The following ABI1 variants were observed in gnomAD, a reference collection of about 807,000 sequenced individuals.
The protein encoded by ABI1 is abl interactor 1.
A neutral mutation model predicts 54.6 loss-of-function variants in ABI1; 14 were observed. The ratio of observed to expected loss-of-function variants is 0.26; its 90% CI spans 0.17 to 0.40. The LOEUF is 0.40. Ranked by LOEUF, ABI1 falls within the 10% of genes least tolerant of loss-of-function variation. The pLI is 1.00. For missense variants in ABI1, 443 were observed against 598.3 expected (o/e 0.74, Z 2.71); for synonymous variants, 194 against 209.3 (o/e 0.93, Z 0.63).
rs765002778 is a variant in ABI1 at position 26,776,981 on chromosome 10, A to G, written c.462+84T>C. ...GCCAGCTGCTAAAGAGAATCTATTA[A>G]AATCATCTTTATGACAATATTTCCT... On this transcript the variant is annotated intron_variant, in intron 3 of 10. Coordinates refer to ENST00000376140, the MANE Select transcript of ABI1 (RefSeq NM_001012750.3). 78 of 1,226,526 alleles carry G rather than the reference A, an allele frequency of 6.4e-5. 2 individuals are homozygous for G. Among genetic ancestry groups the G allele is most frequent in the Non-Finnish European group, 8.6e-5 (77 of 892,288 alleles). 76.0% of individuals were successfully genotyped at this position (1,226,526 alleles called of 1,614,324 possible).
At chr10:26,857,648 A>G (rs1394161328) in intron 1 of ABI1, among the ~76,000 whole-genome samples, 7 of 147,400 alleles carry the variant, frequency 4.7e-5, no homozygotes, top group Admixed American at 2.0e-4. Context: ...TGTCTCAAAA[A>G]AAAAAAAAAA....
intron 2 of ABI1, among the ~76,000 whole-genome samples, chr10:26,801,436 A>T (rs2046551709): frequency 6.6e-6 from 1 of 152,030 alleles, no homozygotes; most frequent in African/African-American, 2.4e-5. Context: ...AGTCCCAACT[A>T]CTTAGGAGGC....
chr10:26,848,200 CAA>C (rs149066426), intron 1 of ABI1, among the ~76,000 whole-genome samples: 23,848 of 76,926 alleles, frequency 0.31, 1,038 homozygotes, highest in African/African-American at 0.38. Flanking sequence ...GACCCTGTCT[CAA>C]AAAAAAAAAA....
chr10:26,816,895 T>C (rs987234736), intron 2 of ABI1, among the ~76,000 whole-genome samples: 1 of 152,170 alleles, frequency 6.6e-6, no homozygotes, highest in Non-Finnish European at 1.5e-5. Flanking sequence ...ATACATAAAA[T>C]GTACAGTGAT....
chr10:26,769,513 GA>G (rs1241863615), intron 5 of ABI1, among the ~76,000 whole-genome samples: 1 of 151,524 alleles, frequency 6.6e-6, no homozygotes, highest in Non-Finnish European at 1.5e-5. Context: ...GAATAAAAAT[GA>G]AAACTAAGAC....
In ABI1 at chr10:26,837,272, T is replaced by C. The variant is rs556178326; in HGVS notation, c.118-13967A>G. The stretch of plus-strand genomic sequence containing the variant: ...TTCTAGCAAGGGATTTCTTCTTGGC[T>C]TGCAGACAGCCACCTTCTCGCTGTG... On this transcript the variant is annotated intron_variant, in intron 1 of 10. Coordinates refer to ENST00000376140, the MANE Select transcript of ABI1 (RefSeq NM_001012750.3). Among the ~76,000 whole-genome samples the C allele has an allele frequency of 2.6e-4, 40 of 152,296 alleles. 1 individual carries two copies. In the South Asian group the frequency reaches 8.1e-3, roughly 31 times the overall value.
At chr10:26,818,389 C>G (rs1449645985) in intron 2 of ABI1, among the ~76,000 whole-genome samples, 2 of 151,678 alleles carry the variant, frequency 1.3e-5, no homozygotes, top group Non-Finnish European at 2.9e-5. Context: ...GAGGCCAAGG[C>G]AGGCAGATCA....
chr10:26,778,216 T>C (rs1314475831), intron 2 of ABI1, among the ~76,000 whole-genome samples: 1 of 152,194 alleles, frequency 6.6e-6, no homozygotes, highest in Admixed American at 6.5e-5. Flanking sequence ...TACAAGACTT[T>C]TTAAAAATAT....
intron 2 of ABI1, among the ~76,000 whole-genome samples, chr10:26,818,070 G>A (rs549115636): frequency 1.4e-5 from 2 of 146,998 alleles, no homozygotes; most frequent in South Asian, 4.3e-4. Context: ...GAGGCAGGAG[G>A]ATGGCTTGAA....
At chr10:26,848,200 C>CAAAAAAAAAAAAAAAAAA (rs149066426) in intron 1 of ABI1, among the ~76,000 whole-genome samples, 2 of 78,668 alleles carry the variant, frequency 2.5e-5, no homozygotes, top group African/African-American at 4.9e-5. Flanking sequence ...GACCCTGTCT[C>CAAAAAAAAAAAAAAAAAA]AAAAAAAAAA....
At chr10:26,780,792 C>G (rs1056960774) in intron 2 of ABI1, among the ~76,000 whole-genome samples, 5 of 152,134 alleles carry the variant, frequency 3.3e-5, no homozygotes, top group Non-Finnish European at 7.4e-5. Flanking sequence ...GAGCCCAAGG[C>G]ACCTTCATAC....
intron 8 of ABI1, 114 bp from the exon 9 acceptor site, chr10:26,755,855 G>T: frequency 1.6e-6 from 1 of 629,814 alleles, no homozygotes; most frequent in Non-Finnish European, 2.6e-6. Context: ...GCAAAGAACA[G>T]TTTGCAAATG....
In ABI1 at chr10:26,838,028, C is replaced by CT. The variant is rs201597873; in HGVS notation, c.118-14724dup. ...CTTTACACAACTCTTAATCTTATTA[C>CT]TTTTTTTTTTTTTGAGAGAGAGTCT... On this transcript the variant is annotated intron_variant, in intron 1 of 10. Coordinates refer to ENST00000376140, the MANE Select transcript of ABI1 (RefSeq NM_001012750.3). 7.9e-3 allele frequency among the ~76,000 whole-genome samples: 1,145 copies of CT among 145,214 alleles called. 6 individuals are homozygous for CT. Among genetic ancestry groups the CT allele is most frequent in the African/African-American group, 0.014 (533 of 39,044 alleles).
At chr10:26,841,218 A>T (rs10829099) in intron 1 of ABI1, among the ~76,000 whole-genome samples, 30,983 of 152,138 alleles carry the variant, frequency 0.2, 3,271 homozygotes, top group African/African-American at 0.27. Flanking sequence ...CTAGGTGGAC[A>T]TCAGCACTAC....
chr10:26,809,422 G>A (rs1017571021), intron 2 of ABI1, among the ~76,000 whole-genome samples: 1 of 151,928 alleles, frequency 6.6e-6, no homozygotes, highest in East Asian at 1.9e-4. Flanking sequence ...AGCCAAGCAC[G>A]GTGGCATGCA....
At position 26,751,552 on chromosome 10, in the gene ABI1, C is replaced by T. The variant is rs764270194; in HGVS notation, c.1270+46G>A. On this transcript the variant is annotated intron_variant, in intron 10 of 10. Coordinates refer to ENST00000376140, the MANE Select transcript of ABI1 (RefSeq NM_001012750.3). ...TGTTCTTTATAGTTCTAAATTTCTA[C>T]AATTAGGTTATTTTCCTTCACATCA... is the stretch of plus-strand genomic sequence containing the variant. 42 of 1,565,276 alleles carry T rather than the reference C, an allele frequency of 2.7e-5. 1 individual carries two copies. The South Asian group carries it at 4.4e-4, about 16-fold the overall frequency.
intron 1 of ABI1, among the ~76,000 whole-genome samples, chr10:26,850,954 A>G (rs1272659902): frequency 6.6e-6 from 1 of 152,204 alleles, no homozygotes; most frequent in Non-Finnish European, 1.5e-5. Context: ...AGTAACAGAG[A>G]ATAATGGGCC....
At chr10:26,837,875 A>G (rs1278552174) in intron 1 of ABI1, among the ~76,000 whole-genome samples, 1 of 150,920 alleles carries the variant, frequency 6.6e-6, no homozygotes, top group Non-Finnish European at 1.5e-5. Context: ...TTGGCCTCCC[A>G]AAGTGCTGAG....
chr10:26,762,742 CA>C (rs2132603218), intron 7 of ABI1, among the ~76,000 whole-genome samples: 1 of 152,272 alleles, frequency 6.6e-6, no homozygotes, highest in East Asian at 1.9e-4. Context: ...GCTCTGACCT[CA>C]AAAACTTCAT....
Sources: allele counts gnomAD v4.1 joint callset (sites outside exome capture counted in the v4.1 genomes callset), GRCh38; gene constraint gnomAD v4.1.1; transcripts MANE v1.5; gene names NCBI Gene and HGNC (gene_info 2026-07-23, HGNC 2026-07-21).